The following DIDO1 variants were observed in gnomAD, a reference collection of about 807,000 sequenced individuals.
DIDO1 encodes death-inducer obliterator 1.
A neutral mutation model predicts 99.4 loss-of-function variants in DIDO1; 16 were observed. The observed-to-expected ratio is 0.16, with a 90% CI of 0.11 to 0.24. The LOEUF (loss-of-function observed/expected upper bound fraction) is 0.24. Among genes scored for constraint, DIDO1 ranks in the 10% least tolerant of loss-of-function variants. DIDO1 has a pLI of 1.00. For missense variants in DIDO1, 2,996 were observed against 3,014.0 expected (o/e 0.99, Z 0.14); for synonymous variants, 1,366 against 1,239.1 (o/e 1.10, Z -2.15).
At chr20:62,904,243 CTT>C (rs1240070731) in intron 6 of DIDO1, among the ~76,000 whole-genome samples, 1 of 152,166 alleles carries the variant, frequency 6.6e-6, no homozygotes, top group African/African-American at 2.4e-5. Context: ...GTGGGTGACA[CTT>C]TAAGCCCATT....
intron 8 of DIDO1, 95 bp from the exon 9 acceptor site, chr20:62,895,260 G>T (rs946590950): frequency 8.4e-7 from 1 of 1,195,282 alleles, no homozygotes; most frequent in Admixed American, 1.8e-5. Flanking sequence ...AAGTTTAGCG[G>T]GCACAGGACA....
rs139183167 is a variant in DIDO1, at chr20:62,922,139, TAC to T, written c.-200+4298_-200+4299del. ...ACACACACACACATATATACATATA[TAC>T]ACACACACACACACAAACAATGCCC... On this transcript the variant is annotated intron_variant, in intron 1 of 15. Transcript: ENST00000395343. Among the ~76,000 whole-genome samples, 1,076 of 146,356 alleles carry T rather than the reference TAC, an allele frequency of 7.4e-3. 8 individuals are homozygous for T. Among genetic ancestry groups the T allele is most frequent in the African/African-American group, 0.024 (952 of 39,410 alleles).
intron 1 of DIDO1, among the ~76,000 whole-genome samples, chr20:62,915,485 T>G (rs2065021683): frequency 6.6e-6 from 1 of 152,158 alleles, no homozygotes; most frequent in Non-Finnish European, 1.5e-5. Flanking sequence ...AGCATTTAAT[T>G]TATTTTACTT....
intron 1 of DIDO1, among the ~76,000 whole-genome samples, chr20:62,922,987 T>C (rs1232037738): frequency 8.6e-5 from 13 of 151,950 alleles, no homozygotes; most frequent in Admixed American, 7.2e-4. Flanking sequence ...GAAACATCTA[T>C]ATAGTGAAAT....
chr20:62,925,587 T>C (rs2065236403), intron 1 of DIDO1, among the ~76,000 whole-genome samples: 1 of 152,242 alleles, frequency 6.6e-6, no homozygotes, highest in Non-Finnish European at 1.5e-5. Context: ...AGTAAGCTAC[T>C]GCTACCTGTG....
Position 62,891,970 on chromosome 20 carries a change from A to C in DIDO1, c.3345+17T>G, listed in dbSNP as rs1168910031. 1 of 1,593,244 alleles carries C rather than the reference A, an allele frequency of 6.3e-7. No individual in the cohort carries two copies. The highest frequency in any genetic ancestry group is 2.2e-5 in the East Asian group (1 of 44,726). ...ACAATTTTCCATGGTTGCAGAATTT[A>C]TACTATAAGCAGGTACCTTAGACAC... On this transcript the variant is annotated intron_variant, in intron 14 of 15. Coordinates refer to ENST00000395343, the MANE Select transcript of DIDO1 (RefSeq NM_001193369.2).
Position 62,895,144 on chromosome 20 carries a change from G to A in DIDO1, c.2236C>T (p.Arg746Cys), listed in dbSNP as rs779511231. 1.6e-5 allele frequency: 25 copies of A among 1,610,798 alleles called. No individual in the cohort carries two copies. Among genetic ancestry groups the A allele is most frequent in the African/African-American group, 2.7e-5 (2 of 74,870 alleles). ...AGTTTCGCCAAAGAGATTTCCTCAC[G>A]CAGAACACGATGGAAGAGTCCCTAT... ...KNQGLFHRVLREEISLAKLVR... is the reference protein window; with the variant it reads ...KNQGLFHRVLCEEISLAKLVR... Residue 746 changes from arginine to cysteine, a missense_variant, in exon 9 of 16, where the codon CGT becomes TGT. Transcript: ENST00000395343.
chr20:62,920,150 T>G (rs994374853), intron 1 of DIDO1, among the ~76,000 whole-genome samples: 1 of 152,168 alleles, frequency 6.6e-6, no homozygotes, highest in Non-Finnish European at 1.5e-5. Context: ...CATGAAGAAA[T>G]CCACCTCATG....
chr20:62,879,751 C>G lies in DIDO1; in HGVS notation c.6205G>C (p.Asp2069His). 6.2e-7 allele frequency: 1 copy of G among 1,611,686 alleles called. No individual in the cohort carries two copies. Among genetic ancestry groups the G allele is most frequent in the South Asian group, 1.1e-5 (1 of 91,078 alleles). The change falls in exon 16 of 16, where the codon GAC becomes CAC. Residue 2069 changes from aspartate to histidine, a missense_variant. By Grantham distance (81) the Asp-to-His change is moderately conservative. Around this residue, in one of 5 missense-constraint regions of DIDO1, gnomAD observed 1,562 missense variants for 1,412.6 expected, o/e 1.11. Coordinates refer to ENST00000395343, the MANE Select transcript of DIDO1 (RefSeq NM_001193369.2). This position sits in a 1 kb window ranked among gnomAD's most constrained non-coding sequence, Gnocchi z 6.3. Reference protein sequence around the residue: ...PEADGQWASADFREGKGHEYR... With the variant: ...PEADGQWASAHFREGKGHEYR... ...TCGTGGCCTTTCCCCTCTCGGAAGT[C>G]GGCCGATGCCCACTGTCCGTCGGCC...
Position 62,911,023 on chromosome 20 carries a change from G to C in DIDO1, c.590C>G (p.Pro197Arg). ...RLRKKRREEG[P>R]AETVGSEASD... ...GGCCTCGGAGCCCACAGTCTCGGCGGGACCCTCCTCCCGGCGCTTCTTCCG... is the reference window on the plus strand; with the variant it reads ...GGCCTCGGAGCCCACAGTCTCGGCGCGACCCTCCTCCCGGCGCTTCTTCCG... The change falls in exon 3 of 16, where the codon CCC becomes CGC. Residue 197 changes from proline to arginine, a missense_variant. By Grantham distance (103) the Pro-to-Arg change is moderately radical. Transcript: ENST00000395343. The surrounding 1 kb of genome is among the most constrained non-coding windows in gnomAD (Gnocchi z 7.0). The C allele has an allele frequency of 1.2e-6, 2 of 1,613,856 alleles. No individual in the cohort carries two copies. The highest frequency in any genetic ancestry group is 1.7e-6 in the Non-Finnish European group (2 of 1,180,014).
intron 15 of DIDO1, chr20:62,887,456 T>C: frequency 1.0e-6 from 1 of 985,458 alleles, no homozygotes; most frequent in Non-Finnish European, 1.2e-6. Flanking sequence ...CTTTCTAATG[T>C]ATAAAGACCT....
chr20:62,911,223 T>A lies in DIDO1; in HGVS notation c.390A>T (p.Thr130=). Reference sequence around the variant, plus strand: ...AAGAGGCTGGTCGTTCCTTCACAGCTGTGGAAGCAGACTGGGGGCCGCTTC... The same window carrying A: ...AAGAGGCTGGTCGTTCCTTCACAGCAGTGGAAGCAGACTGGGGGCCGCTTC... The part of the protein sequence containing the change: ...ETRSGPQSAS[T]AVKERPASSE... The change falls in exon 3 of 16, where the codon ACA becomes ACT. Residue 130 remains threonine, a synonymous_variant. Transcript: ENST00000395343. This position sits in a 1 kb window ranked among gnomAD's most constrained non-coding sequence, Gnocchi z 7.0. 1 of 1,613,622 alleles carries A rather than the reference T, an allele frequency of 6.2e-7. No individual in the cohort carries two copies. The highest frequency in any genetic ancestry group is 8.5e-7 in the Non-Finnish European group (1 of 1,180,030).
intron 6 of DIDO1, 99 bp downstream of exon 6, chr20:62,905,788 A>C: frequency 6.2e-7 from 1 of 1,612,946 alleles, no homozygotes; most frequent in South Asian, 1.1e-5. Context: ...TGATCAGCTT[A>C]ACACAAAGCT....
intron 1 of DIDO1, among the ~76,000 whole-genome samples, chr20:62,919,428 T>C (rs1224747860): frequency 1.3e-5 from 2 of 151,716 alleles, no homozygotes; most frequent in Non-Finnish European, 2.9e-5. Flanking sequence ...TAGTCCCAGC[T>C]ACTTGGGAGG....
chr20:62,920,887 T>A (rs1254499095), intron 1 of DIDO1, among the ~76,000 whole-genome samples: 1 of 152,204 alleles, frequency 6.6e-6, no homozygotes, highest in Non-Finnish European at 1.5e-5. Flanking sequence ...TAATATATAA[T>A]GGTTTACAAT....
At chr20:62,891,228 C>G in intron 14 of DIDO1, 73 bp from the exon 15 acceptor site, 1 of 1,595,858 alleles carries the variant, frequency 6.3e-7, no homozygotes, top group Non-Finnish European at 8.5e-7. Flanking sequence ...TCACATCCTG[C>G]TTTCAACAGG....
In DIDO1 at chr20:62,880,671, C is replaced by T; in HGVS notation, c.5285G>A (p.Gly1762Glu). ...GQREPGPHAL[G>E]MSGLHGPNFP... The stretch of plus-strand genomic sequence containing the variant: ...ATTGGGGCCGTGAAGCCCTGACATC[C>T]CCAAAGCATGAGGTCCAGGTTCCCG... Residue 1762 changes from glycine (G) to glutamate (E), a missense_variant, in exon 16 of 16, where the codon GGG (glycine) becomes GAG (glutamate). This residue lies in a region of DIDO1 where 1,562 missense variants were observed against 1,412.6 expected (regional missense o/e 1.11). Transcript: ENST00000395343. 6.2e-7 allele frequency: 1 copy of T among 1,612,784 alleles called. No homozygotes were observed. The highest frequency in any genetic ancestry group is 8.5e-7 in the Non-Finnish European group (1 of 1,179,968).
chr20:62,928,880 G>A (rs1003194287), upstream of DIDO1: 4 of 152,112 alleles, frequency 2.6e-5, no homozygotes, highest in African/African-American at 9.7e-5. Flanking sequence ...CTTTTGTAAT[G>A]TGTAGACACC....
Position 62,880,310 on chromosome 20 carries a change from T to G in DIDO1, c.5646A>C (p.Arg1882Ser). The G allele has an allele frequency of 1.2e-6, 2 of 1,612,804 alleles. No homozygotes were observed. Among genetic ancestry groups the G allele is most frequent in the Non-Finnish European group, 1.7e-6 (2 of 1,179,984 alleles). Residue 1882 changes from arginine (R) to serine (S), a missense_variant, in exon 16 of 16, where the codon AGA becomes AGC. By Grantham distance (110) the Arg-to-Ser change is moderately radical (BLOSUM62 -1). Transcript: ENST00000395343. ...GTEQAPFLGS[R>S]GGAPFQFGGQ... Reference sequence around the variant, plus strand: ...CTCCGAACTGGAAAGGCGCGCCGCCTCTGCTTCCCAGAAATGGGGCTTGCT... The same window carrying G: ...CTCCGAACTGGAAAGGCGCGCCGCCGCTGCTTCCCAGAAATGGGGCTTGCT...
Sources: allele counts gnomAD v4.1 joint callset (sites outside exome capture counted in the v4.1 genomes callset), GRCh38; gene constraint gnomAD v4.1.1; regional missense constraint gnomAD v4.1.1; non-coding constraint Gnocchi (gnomAD v3.1); transcripts MANE v1.5; gene names NCBI Gene and HGNC (gene_info 2026-07-23, HGNC 2026-07-21).